PAXBP1: variants seen among roughly 807,000 people sequenced by gnomAD.
PAXBP1 encodes the protein PAX3 and PAX7 binding protein 1, also known as PAX3- and PAX7-binding protein 1.
PAXBP1 carries 44 observed loss-of-function variants against 119.9 expected under a neutral mutation model. The observed-to-expected ratio is 0.37, with a 90% CI of 0.29 to 0.47. PAXBP1 has a LOEUF of 0.47. Ranked by LOEUF, PAXBP1 falls within the 20% of genes least tolerant of loss-of-function variation. The pLI is 0.99. For missense variants in PAXBP1, 898 were observed against 1,134.1 expected, an observed-to-expected ratio of 0.79 and a Z score of 2.99; for synonymous variants, 393 against 406.6, an observed-to-expected ratio of 0.97 and a Z score of 0.40.
Position 32,743,436 on chromosome 21 carries a change from T to A in PAXBP1, c.2268-122A>T, listed in dbSNP as rs575101136. 1.3e-5 allele frequency: 10 copies of A among 751,138 alleles called. No homozygotes were observed. In the East Asian group the frequency reaches 2.8e-4, roughly 21 times the overall value. The allele number at this position is 751,138 out of a possible 1,614,324, so 46.5% of individuals were successfully genotyped here. A position where few individuals can be genotyped will look rare whatever the true frequency, so the allele number is the denominator to read the frequency against. ...CAAAATAAATTTTTAATTTTTCAAA[T>A]AATTGCATTCTGGAAGATAGTATGT... On this transcript the variant is annotated intron_variant, in intron 14 of 17. Transcript: ENST00000331923.
chr21:32,759,325 C>A, intron 6 of PAXBP1, 56 bp from the exon 7 acceptor site: 1 of 1,495,362 alleles, frequency 6.7e-7, no homozygotes, highest in Non-Finnish European at 9.1e-7. Flanking sequence ...TCTATGGTGT[C>A]AGGACTCTTG....
intron 15 of PAXBP1, among the ~76,000 whole-genome samples, chr21:32,739,778 C>T (rs1049360155): frequency 1.1e-4 from 17 of 151,068 alleles, no homozygotes; most frequent in Admixed American, 4.6e-4. Context: ...TGGTGGTGGG[C>T]GCCTGTAGTC....
At chr21:32,767,772 C>T (rs1380704349) in intron 2 of PAXBP1, among the ~76,000 whole-genome samples, 2 of 152,164 alleles carry the variant, frequency 1.3e-5, no homozygotes, top group Non-Finnish European at 2.9e-5. Context: ...AACTGTAAGT[C>T]CAATTAAACC....
intron 8 of PAXBP1, chr21:32,751,468 T>C (rs958671515): frequency 5.8e-6 from 2 of 343,554 alleles, no homozygotes; most frequent in African/African-American, 2.0e-5. Flanking sequence ...AAATATGTAA[T>C]TGGGCTTACT....
At chr21:32,756,842 T>G (rs2044051739) in intron 7 of PAXBP1, 1 of 154,546 alleles carries the variant, frequency 6.5e-6, no homozygotes. Context: ...TTTTTCTCTT[T>G]AGGTTAACTG....
At position 32,771,358 on chromosome 21, in the gene PAXBP1, G is replaced by A; in HGVS notation, c.311C>T (p.Ala104Val). The part of the protein sequence containing the change: ...RPRENKEVPR[A>V]SLLSFQDEEE... Reference sequence around the variant, plus strand: ...CTCGTCCTGGAAGCTGAGCAGGCTGGCCCGGGGCACCTCTTTGTTCTCGCG... The same window carrying A: ...CTCGTCCTGGAAGCTGAGCAGGCTGACCCGGGGCACCTCTTTGTTCTCGCG... Residue 104 changes from alanine (A) to valine (V), a missense_variant, in exon 1 of 18, where the codon GCC becomes GTC. Physicochemically the swap from Ala to Val is moderately conservative, Grantham distance 64. Transcript: ENST00000331923. The A allele has an allele frequency of 6.3e-7, 1 of 1,585,486 alleles. No individual in the cohort carries two copies. Among genetic ancestry groups the A allele is most frequent in the Non-Finnish European group, 8.5e-7 (1 of 1,173,632 alleles).
intron 8 of PAXBP1, among the ~76,000 whole-genome samples, chr21:32,752,879 G>A (rs2043978835): frequency 6.6e-6 from 1 of 152,002 alleles, no homozygotes; most frequent in Non-Finnish European, 1.5e-5. Flanking sequence ...CTCTCAAAGT[G>A]CTGGGATTAC....
intron 2 of PAXBP1, among the ~76,000 whole-genome samples, chr21:32,765,100 C>G (rs762956915): frequency 6.6e-6 from 1 of 152,198 alleles, no homozygotes; most frequent in East Asian, 1.9e-4. Flanking sequence ...GCAAGCCTGA[C>G]CCCACTACCA....
chr21:32,763,180 C>T (rs1199772716), intron 3 of PAXBP1, among the ~76,000 whole-genome samples: 2 of 151,982 alleles, frequency 1.3e-5, no homozygotes, highest in East Asian at 1.9e-4. Flanking sequence ...CATAATCTAC[C>T]GCACACATTA....
Position 32,748,528 on chromosome 21 carries a change from G to A in PAXBP1, c.1894C>T (p.Leu632Phe), listed in dbSNP as rs1185587168. The change falls in exon 11 of 18, where the codon CTT becomes TTT. Residue 632 changes from leucine (L) to phenylalanine (F), a missense_variant. By Grantham distance (22) the Leu-to-Phe change is conservative. This residue lies in a region of PAXBP1 where 599 missense variants were observed against 852.7 expected (regional missense o/e 0.70). Transcript: ENST00000331923. The part of the protein sequence containing the change: ...LPKLFNPLIR[L>F]QLLTWTPLEA... ...AGAGGAGTCCAAGTGAGGAGCTGAA[G>A]TCGTATGAGGGGGTTGAATAATTTT... The A allele has an allele frequency of 6.2e-7, 1 of 1,613,984 alleles. No homozygotes were observed. The highest frequency in any genetic ancestry group is 1.7e-5 in the Admixed American group (1 of 60,012).
intron 2 of PAXBP1, among the ~76,000 whole-genome samples, chr21:32,766,609 G>A (rs2044245458): frequency 6.6e-6 from 1 of 152,174 alleles, no homozygotes; most frequent in Admixed American, 6.5e-5. Context: ...AGGAAGCAGT[G>A]TGGACCTGCT....
At chr21:32,770,258 A>G (rs2044314495) in intron 1 of PAXBP1, among the ~76,000 whole-genome samples, 1 of 152,208 alleles carries the variant, frequency 6.6e-6, no homozygotes, top group Non-Finnish European at 1.5e-5. Flanking sequence ...CTGAAAAACC[A>G]CATCACCAAG....
chr21:32,736,062 G>A (rs1462362656), intron 17 of PAXBP1, among the ~76,000 whole-genome samples: 1 of 152,174 alleles, frequency 6.6e-6, no homozygotes, highest in Non-Finnish European at 1.5e-5. Context: ...AGTTTAAAAT[G>A]TGATAAAATT....
chr21:32,765,684 T>A (rs960039393), intron 2 of PAXBP1, among the ~76,000 whole-genome samples: 2 of 152,008 alleles, frequency 1.3e-5, no homozygotes, highest in Non-Finnish European at 2.9e-5. Context: ...AGATTTTAGG[T>A]AACCTCTTTT....
chr21:32,768,299 G>A (rs1395098896), intron 2 of PAXBP1, among the ~76,000 whole-genome samples: 1 of 152,130 alleles, frequency 6.6e-6, no homozygotes, highest in Non-Finnish European at 1.5e-5. Flanking sequence ...CCAGACTCCA[G>A]AACTGTCAAC....
At chr21:32,771,220 C>G in intron 1 of PAXBP1, 106 bp downstream of exon 1, 5 of 1,097,840 alleles carry the variant, frequency 4.6e-6, no homozygotes, top group Non-Finnish European at 6.1e-6. Context: ...GCAGGGGACT[C>G]CGTTCCAGGG....
At chr21:32,759,461 G>T (rs2044101326) in intron 6 of PAXBP1, 192 bp from the exon 7 acceptor site, 2 of 672,152 alleles carry the variant, frequency 3.0e-6, no homozygotes, top group East Asian at 2.8e-5. Flanking sequence ...TCACAGTTTT[G>T]TGGGCTAACC....
At position 32,771,712 on chromosome 21, in the gene PAXBP1, G is replaced by A. The variant is rs911338149; in HGVS notation, c.-44C>T. ...GGTCGAATACTCGCTTCCACACCGC[G>A]GCCCCGGCAGCGCCGAGCTCGTGAC... On this transcript the variant is annotated 5_prime_UTR_variant, in exon 1 of 18. Coordinates refer to ENST00000331923, the MANE Select transcript of PAXBP1 (RefSeq NM_016631.4). 2.2e-6 allele frequency: 3 copies of A among 1,337,340 alleles called. No homozygotes were observed. Among genetic ancestry groups the A allele is most frequent in the Non-Finnish European group, 2.9e-6 (3 of 1,042,556 alleles). The allele number at this position is 1,337,340 out of a possible 1,614,324, so 82.8% of individuals were successfully genotyped here.
chr21:32,771,452 C>T lies in PAXBP1; in HGVS notation c.217G>A (p.Ala73Thr). Reference protein sequence around the residue: ...PPSALTPGLGAEAGGGFPGGA... With the variant: ...PPSALTPGLGTEAGGGFPGGA... Reference sequence around the variant, plus strand: ...CCGGGGAAGCCGCCCCCGGCCTCAGCCCCGAGGCCCGGGGTCAGCGCGGAA... The same window carrying T: ...CCGGGGAAGCCGCCCCCGGCCTCAGTCCCGAGGCCCGGGGTCAGCGCGGAA... The change falls in exon 1 of 18, where the codon GCT becomes ACT. Residue 73 changes from alanine to threonine, a missense_variant. Around this residue, in one of 2 missense-constraint regions of PAXBP1, gnomAD observed 299 missense variants for 281.4 expected, o/e 1.06. Transcript: ENST00000331923. 6.9e-7 allele frequency: 1 copy of T among 1,449,180 alleles called. No individual in the cohort carries two copies. Among genetic ancestry groups the T allele is most frequent in the Non-Finnish European group, 9.0e-7 (1 of 1,109,122 alleles). The allele number at this position is 1,449,180 out of a possible 1,614,324, so 89.8% of individuals were successfully genotyped here.
Sources: allele counts gnomAD v4.1 joint callset (sites outside exome capture counted in the v4.1 genomes callset), GRCh38; gene constraint gnomAD v4.1.1; regional missense constraint gnomAD v4.1.1; transcripts MANE v1.5; gene names NCBI Gene and HGNC (gene_info 2026-07-23, HGNC 2026-07-21).